TAS2R1: variants seen among roughly 807,000 people sequenced by gnomAD.
TAS2R1 encodes taste 2 receptor member 1.
For synonymous variants in TAS2R1, 141 were observed against 134.2 expected (o/e 1.05, Z -0.35); for missense variants, 370 against 353.4 (o/e 1.05, Z -0.38).
At chr5:9,827,260 C>A in the TAS2R1 span, among the ~76,000 whole-genome samples, 1 of 152,110 alleles carries the variant, frequency 6.6e-6, no homozygotes, top group African/African-American at 2.4e-5. Context: ...TACCCACCTC[C>A]AGGGCAATCC....
the TAS2R1 span, among the ~76,000 whole-genome samples, chr5:9,836,184 T>C: frequency 6.6e-6 from 1 of 151,994 alleles, no homozygotes; most frequent in Non-Finnish European, 1.5e-5. Flanking sequence ...TACCTTCTGC[T>C]TGTGAGGCCT....
At chr5:9,723,226 A>G in the TAS2R1 span, among the ~76,000 whole-genome samples, 1 of 152,142 alleles carries the variant, frequency 6.6e-6, no homozygotes, top group African/African-American at 2.4e-5. Context: ...TGTTGTTGCC[A>G]TGAAGACTGG....
At chr5:9,679,136 A>T (rs1740945163) in intron 1 of TAS2R1, among the ~76,000 whole-genome samples, 2 of 152,234 alleles carry the variant, frequency 1.3e-5, no homozygotes, top group African/African-American at 4.8e-5. Context: ...GATTCCAAAT[A>T]CACGACATTC....
the TAS2R1 span, among the ~76,000 whole-genome samples, chr5:9,897,403 C>T: frequency 2.6e-5 from 4 of 152,172 alleles, no homozygotes; most frequent in Admixed American, 6.5e-5. Context: ...GAGCCGAGAT[C>T]ACGCCGCTGC....
At chr5:9,735,095 G>A in the TAS2R1 span, among the ~76,000 whole-genome samples, 1 of 151,254 alleles carries the variant, frequency 6.6e-6, no homozygotes, top group Admixed American at 6.6e-5. Context: ...ACAGGAGAGA[G>A]CGAGCAAGGG....
chr5:9,688,649 T>G (rs1741174427), intron 1 of TAS2R1, among the ~76,000 whole-genome samples: 1 of 152,166 alleles, frequency 6.6e-6, no homozygotes, highest in African/African-American at 2.4e-5. Context: ...GCCTCCAAAG[T>G]GTCCCCAGCA....
At chr5:9,896,378 T>C in the TAS2R1 span, among the ~76,000 whole-genome samples, 9,106 of 152,302 alleles carry the variant, frequency 0.06, 272 homozygotes, top group South Asian at 0.077. Flanking sequence ...CTCAGCCACC[T>C]TTCATTTTTT....
At chr5:9,750,856 A>T in the TAS2R1 span, among the ~76,000 whole-genome samples, 2 of 152,256 alleles carry the variant, frequency 1.3e-5, no homozygotes, top group East Asian at 1.9e-4. Flanking sequence ...TTTATGCAAT[A>T]TTGATTGGAT....
the TAS2R1 span, among the ~76,000 whole-genome samples, chr5:9,805,010 AAAAAG>A: frequency 6.6e-6 from 1 of 152,064 alleles, no homozygotes. Context: ...GATAAACAAA[AAAAAG>A]AAGACAGAAG....
intron 1 of TAS2R1, among the ~76,000 whole-genome samples, chr5:9,695,651 A>T (rs1015319438): frequency 1.3e-5 from 2 of 152,162 alleles, no homozygotes; most frequent in Non-Finnish European, 2.9e-5. Context: ...CCAGGTCTCC[A>T]CGACTCTACC....
chr5:9,685,862 C>T (rs194069), intron 1 of TAS2R1, among the ~76,000 whole-genome samples: 151,523 of 152,352 alleles, frequency 0.99, 75,401 homozygotes, highest in Middle Eastern at 1. Context: ...TGTATCTTTT[C>T]GTTTGTTTGT....
chr5:9,838,078 A>G, the TAS2R1 span, among the ~76,000 whole-genome samples: 1 of 152,226 alleles, frequency 6.6e-6, no homozygotes, highest in Non-Finnish European at 1.5e-5. Context: ...AAATGCAGAG[A>G]CAACCCCCCC....
chr5:9,715,179 A>T (rs946161080), upstream of TAS2R1, among the ~76,000 whole-genome samples: 1 of 152,236 alleles, frequency 6.6e-6, no homozygotes, highest in Non-Finnish European at 1.5e-5. Context: ...GGAGCTCCTG[A>T]AAGAACTAAA....
chr5:9,702,062 A>G (rs1028946445), intron 1 of TAS2R1, among the ~76,000 whole-genome samples: 4 of 152,170 alleles, frequency 2.6e-5, no homozygotes, highest in Non-Finnish European at 5.9e-5. Context: ...CTAGAGCTGT[A>G]TGTTTTAGGT....
At chr5:9,732,632 T>C in the TAS2R1 span, among the ~76,000 whole-genome samples, 2 of 152,070 alleles carry the variant, frequency 1.3e-5, no homozygotes, top group African/African-American at 4.8e-5. Context: ...GAAGAATGCA[T>C]GGGTTGATGG....
At chr5:9,691,351 C>CG (rs1470373245) in intron 1 of TAS2R1, among the ~76,000 whole-genome samples, 1 of 152,192 alleles carries the variant, frequency 6.6e-6, no homozygotes, top group Non-Finnish European at 1.5e-5. Context: ...AGTGTGACCC[C>CG]GCTGGCACCT....
At chr5:9,723,842 T>G in the TAS2R1 span, among the ~76,000 whole-genome samples, 5 of 152,316 alleles carry the variant, frequency 3.3e-5, no homozygotes, top group Non-Finnish European at 7.4e-5. Context: ...TGGGAGGAGC[T>G]TTGCACTGGA....
upstream of TAS2R1, chr5:9,714,052 A>G (rs534644404): frequency 3.3e-5 from 5 of 152,326 alleles, no homozygotes; most frequent in South Asian, 8.3e-4. Context: ...TTTCTCACCT[A>G]GCAGAAAGCC....
At position 9,628,960 on chromosome 5, in the gene TAS2R1, T is replaced by G. The variant is rs891814799; in HGVS notation, c.*173A>C. The G allele has an allele frequency of 1.7e-6, 1 of 592,674 alleles. No homozygotes were observed. The allele number at this position is 592,674 out of a possible 1,614,324, so 36.7% of individuals were successfully genotyped here. A position where few individuals can be genotyped will look rare whatever the true frequency, so the allele number is the denominator to read the frequency against. On this transcript the variant is annotated 3_prime_UTR_variant, in exon 1 of 1. Transcript: ENST00000382492. ...CATATGTTGTGCTTTCAAAATCAGTTTAACTGCTTGAAAAAGTAGCATATC... is the reference window on the plus strand; with the variant it reads ...CATATGTTGTGCTTTCAAAATCAGTGTAACTGCTTGAAAAAGTAGCATATC...
Sources: allele counts gnomAD v4.1 joint callset (sites outside exome capture counted in the v4.1 genomes callset), GRCh38; gene constraint gnomAD v4.1.1; transcripts MANE v1.5; gene names NCBI Gene and HGNC (gene_info 2026-07-23, HGNC 2026-07-21).